Variants in MICAL3 observed in about 807,000 individuals in gnomAD.
The protein encoded by MICAL3 is [F-actin]-monooxygenase MICAL3.
MICAL3 carries 62 observed loss-of-function variants against 207.4 expected under a neutral mutation model. That is an observed-to-expected ratio of 0.30 (90% confidence interval 0.24 to 0.37). MICAL3 has a LOEUF of 0.37. Ranked by LOEUF, MICAL3 falls within the 10% of genes least tolerant of loss-of-function variation. The pLI, the probability that MICAL3 is intolerant of heterozygous loss-of-function variation, is 1.00. For missense variants in MICAL3, 2,368 were observed against 2,635.6 expected (o/e 0.90, Z 2.22); for synonymous variants, 1,077 against 1,069.3 (o/e 1.01, Z -0.14).
At chr22:17,966,464 T>C (rs1935148587) in intron 1 of MICAL3, among the ~76,000 whole-genome samples, 1 of 152,208 alleles carries the variant, frequency 6.6e-6, no homozygotes, top group African/African-American at 2.4e-5. Flanking sequence ...ATTCAATCCT[T>C]ATTCATATCC....
chr22:18,015,679 G>A (rs1257331792), intron 1 of MICAL3, among the ~76,000 whole-genome samples: 3 of 151,854 alleles, frequency 2.0e-5, no homozygotes, highest in East Asian at 1.9e-4. Flanking sequence ...CCGACCACGC[G>A]CGACCCTAAG....
In MICAL3 at chr22:17,906,883, T is replaced by A; in HGVS notation, c.-71A>T. On this transcript the variant is annotated 5_prime_UTR_variant, in exon 2 of 32. Transcript: ENST00000441493. ...GTGGGTCCACCTGACACTGTCACGT[T>A]AATCTGACAAAAAGAAAGAAAAACG... 1.4e-6 allele frequency: 2 copies of A among 1,418,818 alleles called. No individual in the cohort carries two copies. The highest frequency in any genetic ancestry group is 1.9e-6 in the Non-Finnish European group (2 of 1,046,994). 87.9% of individuals were successfully genotyped at this position (1,418,818 alleles called of 1,614,324 possible).
chr22:17,802,406 T>G (rs558086602), intron 29 of MICAL3, among the ~76,000 whole-genome samples: 1 of 152,118 alleles, frequency 6.6e-6, no homozygotes, highest in African/African-American at 2.4e-5. Context: ...GAGGTGGTGT[T>G]AGGAGAAGGC....
chr22:17,989,149 G>A (rs1921378329), intron 1 of MICAL3, among the ~76,000 whole-genome samples: 1 of 152,084 alleles, frequency 6.6e-6, no homozygotes, highest in Admixed American at 6.6e-5. Context: ...ACTGTACCCT[G>A]ACATCCATTT....
intron 24 of MICAL3, 88 bp from the exon 25 acceptor site, chr22:17,821,597 G>A (rs1329914491): frequency 1.8e-6 from 2 of 1,115,822 alleles, no homozygotes; most frequent in Non-Finnish European, 2.6e-6. Context: ...AGAGGGTGGA[G>A]GGGAGGGTAG....
At chr22:17,951,234 C>T (rs1934334499) in intron 1 of MICAL3, among the ~76,000 whole-genome samples, 1 of 152,160 alleles carries the variant, frequency 6.6e-6, no homozygotes, top group South Asian at 2.1e-4. Flanking sequence ...CAGGGTGGTA[C>T]AGCCGGGAGC....
chr22:17,814,007 A>G (rs1035114704), intron 27 of MICAL3: 80 of 152,254 alleles, frequency 5.3e-4, no homozygotes, highest in African/African-American at 1.9e-3. Flanking sequence ...TAAATAAAAA[A>G]TAAGTATTTT....
At chr22:17,862,697 T>C (rs1926652170) in intron 19 of MICAL3, 1 of 985,336 alleles carries the variant, frequency 1.0e-6, no homozygotes, top group African/African-American at 1.7e-5. Flanking sequence ...ATACTGCCCA[T>C]AATCCTGTTC....
intron 20 of MICAL3, among the ~76,000 whole-genome samples, chr22:17,835,125 G>A (rs535021745): frequency 6.6e-6 from 1 of 152,334 alleles, no homozygotes; most frequent in Admixed American, 6.5e-5. Context: ...TGAGGCCAGC[G>A]AGGCCAGCCC....
chr22:17,803,232 G>T (rs1009921075), intron 29 of MICAL3, among the ~76,000 whole-genome samples: 1 of 152,124 alleles, frequency 6.6e-6, no homozygotes, highest in Admixed American at 6.5e-5. Flanking sequence ...TACAAAGTGA[G>T]CCCCAGGACA....
At chr22:17,834,401 C>T (rs1385497978) in intron 20 of MICAL3, 1 of 1,283,396 alleles carries the variant, frequency 7.8e-7, no homozygotes, top group South Asian at 1.2e-5. Flanking sequence ...CTGTAGGGAA[C>T]ACAAAGGTGA....
intron 17 of MICAL3, among the ~76,000 whole-genome samples, chr22:17,867,050 G>C (rs571914610): frequency 6.6e-6 from 1 of 152,298 alleles, no homozygotes; most frequent in African/African-American, 2.4e-5. Flanking sequence ...GGACCTAAAA[G>C]TCAAAGAAAA....
chr22:17,835,968 G>A (rs766368642), intron 20 of MICAL3, among the ~76,000 whole-genome samples: 3 of 152,216 alleles, frequency 2.0e-5, no homozygotes, highest in Admixed American at 6.5e-5. Context: ...GTTGCACCCC[G>A]ACTGTCCCCC....
chr22:17,859,154 A>G (rs1236987598), intron 19 of MICAL3, among the ~76,000 whole-genome samples: 1 of 152,186 alleles, frequency 6.6e-6, no homozygotes, highest in African/African-American at 2.4e-5. Flanking sequence ...GTGTCACAGC[A>G]GAGCTGTGAG....
At chr22:17,819,836 G>A (rs146574123) in intron 25 of MICAL3, among the ~76,000 whole-genome samples, 1 of 151,606 alleles carries the variant, frequency 6.6e-6, no homozygotes, top group African/African-American at 2.4e-5. Context: ...CCAGCTACTC[G>A]GGAGGCTGAG....
intron 19 of MICAL3, chr22:17,862,916 T>G: frequency 1.0e-6 from 1 of 985,412 alleles, no homozygotes; most frequent in Non-Finnish European, 1.2e-6. Flanking sequence ...GGACACCACA[T>G]TTTGAACTCC....
intron 10 of MICAL3, among the ~76,000 whole-genome samples, chr22:17,894,195 T>TA (rs1262884340): frequency 6.6e-6 from 1 of 151,916 alleles, no homozygotes; most frequent in African/African-American, 2.4e-5. Flanking sequence ...GCAGATGGCT[T>TA]AAGGCTAGGA....
Position 17,903,446 on chromosome 22 carries a change from A to G in MICAL3, c.473-699T>C, listed in dbSNP as rs182682510. Among the ~76,000 whole-genome samples the G allele has an allele frequency of 3.0e-3, 454 of 152,332 alleles. 1 individual carries two copies. Among genetic ancestry groups the G allele is most frequent in the African/African-American group, 9.9e-3 (413 of 41,572 alleles). ...CTAGGCCCTGGTAGAAGACCCTCTC[A>G]ACCCTAAGATGAATCTTGCCACAAT... On this transcript the variant is annotated intron_variant, in intron 3 of 31. Transcript: ENST00000441493.
chr22:17,821,967 T>C (rs2146019882), intron 24 of MICAL3, 63 bp downstream of exon 24: 3 of 1,585,404 alleles, frequency 1.9e-6, no homozygotes, highest in South Asian at 1.2e-5. Flanking sequence ...TGAGCCACTC[T>C]TGTGTGCATA....
Sources: allele counts gnomAD v4.1 joint callset (sites outside exome capture counted in the v4.1 genomes callset), GRCh38; gene constraint gnomAD v4.1.1; transcripts MANE v1.5; gene names NCBI Gene and HGNC (gene_info 2026-07-23, HGNC 2026-07-21).